The following CNTN6 variants were observed in gnomAD, a reference collection of about 807,000 sequenced individuals.
CNTN6 encodes contactin-6.
Under a neutral mutation model 122.8 loss-of-function variants are expected in CNTN6, and 137 were observed. The observed-to-expected ratio is 1.12, with a 90% CI of 0.97 to 1.29. The LOEUF (loss-of-function observed/expected upper bound fraction) is 1.29, where lower values mean the gene tolerates loss of function less well. Ranked by LOEUF, CNTN6 falls within the 50% of genes most tolerant of loss-of-function variation. The pLI, the probability that CNTN6 is intolerant of heterozygous loss-of-function variation, is 0.00. For missense variants in CNTN6, 1,634 were observed against 1,223.4 expected, an observed-to-expected ratio of 1.34 and a Z score of -5.01; for synonymous variants, 570 against 426.0, an observed-to-expected ratio of 1.34 and a Z score of -4.16.
intron 3 of CNTN6, among the ~76,000 whole-genome samples, chr3:1,225,264 CA>C (rs2094265648): frequency 1.3e-5 from 2 of 152,172 alleles, no homozygotes; most frequent in Admixed American, 1.3e-4. Flanking sequence ...GCATGACAAT[CA>C]TTTGAATTCA....
At chr3:1,334,878 ATTTT>A (rs1702821020) in intron 11 of CNTN6, among the ~76,000 whole-genome samples, 1 of 152,182 alleles carries the variant, frequency 6.6e-6, no homozygotes, top group Non-Finnish European at 1.5e-5. Context: ...TAAGCCAAAA[ATTTT>A]AATAATTAAT....
At chr3:1,178,962 G>A (rs1467296405) in intron 2 of CNTN6, among the ~76,000 whole-genome samples, 1 of 152,126 alleles carries the variant, frequency 6.6e-6, no homozygotes, top group African/African-American at 2.4e-5. Flanking sequence ...CTGAGGCTGT[G>A]CAATTTATAA....
chr3:1,100,979 C>T (rs905736272), intron 1 of CNTN6, among the ~76,000 whole-genome samples: 4 of 152,120 alleles, frequency 2.6e-5, no homozygotes, highest in African/African-American at 9.7e-5. Flanking sequence ...ACAAATTCAC[C>T]TTCAACAGAT....
intron 1 of CNTN6, among the ~76,000 whole-genome samples, chr3:1,142,968 G>GTATATATATATA (rs3043051): frequency 2.3e-3 from 297 of 128,560 alleles, no homozygotes; most frequent in African/African-American, 6.6e-3. Flanking sequence ...GTGTGTGTGT[G>GTATATATATATA]TATATATATA....
At chr3:1,387,015 T>G (rs767406185) in intron 20 of CNTN6, among the ~76,000 whole-genome samples, 4 of 151,290 alleles carry the variant, frequency 2.6e-5, no homozygotes, top group Admixed American at 1.3e-4. Flanking sequence ...CCAGATCAAC[T>G]GTCAGATATT....
rs1182706881 is a variant in CNTN6, at chr3:1,161,547, A to G, written c.55+13484A>G. Among the ~76,000 whole-genome samples the G allele has an allele frequency of 2.6e-5, 4 of 151,940 alleles. 1 individual carries two copies. On this transcript the variant is annotated intron_variant, in intron 2 of 22. Transcript: ENST00000446702. ...TAAACATGTGTATATACATATATAT[A>G]CATTTATATGCACACAAATATATGT... is the stretch of plus-strand genomic sequence containing the variant.
chr3:1,327,313 ATGC>A lies in CNTN6; in HGVS notation c.1084-139_1084-137del, dbSNP rs1701671144. The A allele has an allele frequency of 2.9e-5, 25 of 869,018 alleles. No individual in the cohort carries two copies. The South Asian group carries it at 4.9e-4, about 17-fold the overall frequency. The allele number at this position is 869,018 out of a possible 1,614,324, so 53.8% of individuals were successfully genotyped here. On this transcript the variant is annotated intron_variant, in intron 9 of 22. Transcript: ENST00000446702. ...ATATTTTCGTTTTTTAAACTTAAAA[ATGC>A]TGCTCAGAATCTAGTAGTGTATTAA...
At chr3:1,275,094 A>T (rs1306708255) in intron 4 of CNTN6, among the ~76,000 whole-genome samples, 1 of 152,138 alleles carries the variant, frequency 6.6e-6, no homozygotes, top group African/African-American at 2.4e-5. Flanking sequence ...TTCCTTACAA[A>T]GGCCGATCCT....
At position 1,278,517 on chromosome 3, in the gene CNTN6, G is replaced by C; in HGVS notation, c.454+9G>C. On this transcript the variant is annotated intron_variant, in intron 5 of 22. Transcript: ENST00000446702. Reference sequence around the variant, plus strand: ...ACCGCCACATTTTGGAGGTATGATGGGGTGATTTGGGTCATATCATCAATG... The same window carrying C: ...ACCGCCACATTTTGGAGGTATGATGCGGTGATTTGGGTCATATCATCAATG... 1 of 1,595,784 alleles carries C rather than the reference G, an allele frequency of 6.3e-7. No individual in the cohort carries two copies. Among genetic ancestry groups the C allele is most frequent in the Non-Finnish European group, 8.6e-7 (1 of 1,165,388 alleles).
chr3:1,144,985 A>G (rs1270367316), intron 1 of CNTN6, among the ~76,000 whole-genome samples: 1 of 152,154 alleles, frequency 6.6e-6, no homozygotes, highest in East Asian at 1.9e-4. Flanking sequence ...TTCTAGCCCA[A>G]GGAAGTAGGG....
intron 20 of CNTN6, among the ~76,000 whole-genome samples, chr3:1,390,549 A>ATAAC (rs1242091974): frequency 6.6e-6 from 1 of 152,202 alleles, no homozygotes; most frequent in Non-Finnish European, 1.5e-5. Context: ...AAAGAAAGAA[A>ATAAC]TAACTAAAAT....
intron 16 of CNTN6, 152 bp downstream of exon 16, chr3:1,374,225 C>T: frequency 1.5e-6 from 1 of 665,930 alleles, no homozygotes; most frequent in Non-Finnish European, 2.3e-6. Context: ...TTTTTACATA[C>T]ACAAGGCAAG....
intron 20 of CNTN6, 56 bp downstream of exon 20, chr3:1,385,853 C>G: frequency 7.0e-7 from 1 of 1,437,824 alleles, no homozygotes; most frequent in South Asian, 1.4e-5. Context: ...CAACCTATTC[C>G]TTTGCTTGAT....
chr3:1,165,246 A>G (rs868057446), intron 2 of CNTN6, among the ~76,000 whole-genome samples: 1 of 152,070 alleles, frequency 6.6e-6, no homozygotes. Context: ...GGCTCTTCCC[A>G]TTCCCATTCT....
At chr3:1,250,879 C>A (rs758324034) in intron 4 of CNTN6, among the ~76,000 whole-genome samples, 64 of 152,144 alleles carry the variant, frequency 4.2e-4, no homozygotes, top group Admixed American at 2.6e-4. Flanking sequence ...ACAGGTCTGT[C>A]AGTAGGGATA....
intron 1 of CNTN6, among the ~76,000 whole-genome samples, chr3:1,103,071 A>C (rs9879836): frequency 0.062 from 9,270 of 149,348 alleles, 319 homozygotes; most frequent in South Asian, 0.083. Context: ...GCGCCACCGC[A>C]CTCCAGCCTG....
intron 4 of CNTN6, among the ~76,000 whole-genome samples, chr3:1,233,168 A>G (rs2094374524): frequency 6.6e-6 from 1 of 152,206 alleles, no homozygotes; most frequent in South Asian, 2.1e-4. Flanking sequence ...TCATAGTACA[A>G]TATTCCACAC....
intron 1 of CNTN6, among the ~76,000 whole-genome samples, chr3:1,109,938 T>TTA (rs1465774757): frequency 1.3e-5 from 2 of 152,116 alleles, no homozygotes; most frequent in Admixed American, 1.3e-4. Flanking sequence ...ATACAGGTCT[T>TTA]TATAGCTGGG....
intron 20 of CNTN6, among the ~76,000 whole-genome samples, chr3:1,397,316 G>A (rs532354867): frequency 2.0e-5 from 3 of 152,264 alleles, no homozygotes; most frequent in African/African-American, 7.2e-5. Context: ...GCATCTATAT[G>A]GGATAGGCTA....
Sources: allele counts gnomAD v4.1 joint callset (sites outside exome capture counted in the v4.1 genomes callset), GRCh38; gene constraint gnomAD v4.1.1; transcripts MANE v1.5; gene names NCBI Gene and HGNC (gene_info 2026-07-23, HGNC 2026-07-21).